GTF3C4: variants seen among roughly 807,000 people sequenced by gnomAD.
The protein encoded by GTF3C4 is general transcription factor IIIC subunit 4, also known as general transcription factor 3C polypeptide 4.
Under a neutral mutation model 67.5 loss-of-function variants are expected in GTF3C4, and 28 were observed. The ratio of observed to expected loss-of-function variants is 0.41; its 90% CI spans 0.31 to 0.57. The LOEUF (loss-of-function observed/expected upper bound fraction) is 0.57, where lower values mean the gene tolerates loss of function less well. Ranked by LOEUF, GTF3C4 falls within the 20% of genes least tolerant of loss-of-function variation. GTF3C4 has a pLI of 0.21. For missense variants in GTF3C4, 831 were observed against 1,033.2 expected (o/e 0.80, Z 2.68); for synonymous variants, 409 against 393.0 (o/e 1.04, Z -0.48).
intron 2 of GTF3C4, among the ~76,000 whole-genome samples, chr9:132,682,697 G>A (rs973475032): frequency 1.4e-5 from 2 of 145,326 alleles, no homozygotes; most frequent in African/African-American, 2.6e-5. Context: ...CTCCACTCAC[G>A]GGCTCAGGCA....
At chr9:132,687,374 G>T in intron 4 of GTF3C4, 47 bp downstream of exon 4, 1 of 1,009,860 alleles carries the variant, frequency 9.9e-7, no homozygotes, top group South Asian at 1.3e-5. Flanking sequence ...GGAACATGCT[G>T]GCAGAGGGCC....
intron 2 of GTF3C4, among the ~76,000 whole-genome samples, chr9:132,680,371 A>G (rs528261213): frequency 2.6e-5 from 4 of 152,244 alleles, no homozygotes; most frequent in African/African-American, 4.8e-5. Context: ...ACAGAGCACT[A>G]GGGTTCCCAG....
chr9:132,676,063 T>C (rs1416151830), intron 1 of GTF3C4, among the ~76,000 whole-genome samples: 2 of 151,682 alleles, frequency 1.3e-5, no homozygotes, highest in Non-Finnish European at 2.9e-5. Context: ...CATGCCCGGC[T>C]AATTTTTTTG....
chr9:132,671,027 G>T (rs1444087741), intron 1 of GTF3C4, 72 bp downstream of exon 1: 1 of 1,037,640 alleles, frequency 9.6e-7, no homozygotes, highest in Non-Finnish European at 1.5e-6. Flanking sequence ...CGTCCCAGGG[G>T]AATCCGATCC....
chr9:132,686,015 C>T (rs1049954380), intron 3 of GTF3C4, among the ~76,000 whole-genome samples: 2 of 152,178 alleles, frequency 1.3e-5, no homozygotes, highest in Admixed American at 1.3e-4. Flanking sequence ...CAATTCCATC[C>T]AAAGATTATT....
At chr9:132,683,438 C>T in intron 2 of GTF3C4, 125 bp from the exon 3 acceptor site, 1 of 794,112 alleles carries the variant, frequency 1.3e-6, no homozygotes, top group Non-Finnish European at 2.0e-6. Context: ...AATCTCCTGT[C>T]TTCTGTAAAA....
At chr9:132,680,882 G>C (rs773010710) in intron 2 of GTF3C4, among the ~76,000 whole-genome samples, 2 of 152,154 alleles carry the variant, frequency 1.3e-5, no homozygotes, top group Non-Finnish European at 2.9e-5. Context: ...AGGCCGAGGA[G>C]GGCAGAACAC....
At chr9:132,670,380 C>G, upstream of GTF3C4, 1 of 1,211,244 alleles carries the variant, frequency 8.3e-7, no homozygotes, top group East Asian at 3.0e-5. Flanking sequence ...GTCCTCGGGG[C>G]TCCCCGCTCG....
chr9:132,670,070 C>T (rs1414955630), upstream of GTF3C4: 20 of 1,560,096 alleles, frequency 1.3e-5, no homozygotes, highest in South Asian at 3.5e-5. Context: ...TGTACGGACT[C>T]GTCCCGAGGG....
intron 3 of GTF3C4, 145 bp from the exon 4 acceptor site, chr9:132,687,094 C>T: frequency 1.4e-6 from 1 of 704,056 alleles, no homozygotes; most frequent in Non-Finnish European, 2.6e-6. Context: ...CAGGGGGATG[C>T]ATTGTTATGT....
chr9:132,670,509 G>C lies in GTF3C4; in HGVS notation c.-90G>C. On this transcript the variant is annotated 5_prime_UTR_variant, in exon 1 of 5. Transcript: ENST00000372146. The stretch of plus-strand genomic sequence containing the variant: ...GGCCTGAGGGGAGAAAACCGCCGCG[G>C]AGGGCGCTGGGGGTGGCGGCGGCGG... 1 of 1,126,478 alleles carries C rather than the reference G, an allele frequency of 8.9e-7. No individual in the cohort carries two copies. The highest frequency in any genetic ancestry group is 2.0e-5 in the South Asian group (1 of 50,614). The allele number at this position is 1,126,478 out of a possible 1,614,324, so 69.8% of individuals were successfully genotyped here.
At chr9:132,670,316 C>T (rs1251054384), upstream of GTF3C4, 11 of 1,481,906 alleles carry the variant, frequency 7.4e-6, no homozygotes, top group African/African-American at 8.7e-5. Context: ...TAAAGCCTGT[C>T]TGGGTAGCTC....
chr9:132,688,386 C>A (rs758100747), intron 4 of GTF3C4, among the ~76,000 whole-genome samples: 49 of 152,166 alleles, frequency 3.2e-4, no homozygotes, highest in Non-Finnish European at 6.6e-4. Context: ...CCATTTAAAG[C>A]TTTTGAGAAG....
chr9:132,680,452 A>G (rs1444190002), intron 2 of GTF3C4, among the ~76,000 whole-genome samples: 3 of 152,092 alleles, frequency 2.0e-5, no homozygotes, highest in African/African-American at 4.8e-5. Context: ...GTAGCTCGGT[A>G]TTACTCAGAC....
chr9:132,671,966 G>T (rs542609502), intron 1 of GTF3C4, among the ~76,000 whole-genome samples: 1 of 152,294 alleles, frequency 6.6e-6, no homozygotes. Context: ...TTGAAAATAT[G>T]AGTCATTAGC....
upstream of GTF3C4, chr9:132,670,447 G>A: frequency 2.1e-6 from 2 of 948,314 alleles, no homozygotes; most frequent in Non-Finnish European, 2.9e-6. Context: ...GCGTTGCCTG[G>A]CAACGGCGGG....
At chr9:132,674,442 A>G (rs1835835445) in intron 1 of GTF3C4, among the ~76,000 whole-genome samples, 1 of 152,224 alleles carries the variant, frequency 6.6e-6, no homozygotes, top group Admixed American at 6.5e-5. Context: ...CTACCAGTCA[A>G]GATCTGTACT....
rs1351711922 is a variant in GTF3C4 at position 132,694,275 on chromosome 9, C to T, written c.*5330C>T. ...TTTTATCTTTGTTGTTCCTGCAGCA[C>T]CTAATGTAAAGTGCCTTGCACAGGG... is the stretch of plus-strand genomic sequence containing the variant. On this transcript the variant is annotated 3_prime_UTR_variant, in exon 5 of 5. Transcript: ENST00000372146. 6.6e-6 allele frequency: 1 copy of T among 152,182 alleles called. No homozygotes were observed. The highest frequency in any genetic ancestry group is 1.5e-5 in the Non-Finnish European group (1 of 68,042). The allele number at this position is 152,182 out of a possible 1,614,324, so 9.4% of individuals were successfully genotyped here.
At chr9:132,670,095 G>A, upstream of GTF3C4, 1 of 1,563,280 alleles carries the variant, frequency 6.4e-7, no homozygotes, top group South Asian at 1.2e-5. Flanking sequence ...CGGGGACGGC[G>A]GCACCGGGCG....
Sources: allele counts gnomAD v4.1 joint callset (sites outside exome capture counted in the v4.1 genomes callset), GRCh38; gene constraint gnomAD v4.1.1; transcripts MANE v1.5; gene names NCBI Gene and HGNC (gene_info 2026-07-23, HGNC 2026-07-21).